Variants in TAFA2 observed in about 807,000 individuals in gnomAD.
TAFA2 encodes the protein chemokine-like protein TAFA-2.
In TAFA2, 7 loss-of-function variants were observed where a neutral mutation model predicts 18.8. The observed-to-expected ratio is 0.37, with a 90% CI of 0.21 to 0.70. The LOEUF is 0.70. Ranked by LOEUF, TAFA2 falls within the 30% of genes least tolerant of loss-of-function variation. The pLI is 0.53. For synonymous variants in TAFA2, 60 were observed against 54.2 expected (o/e 1.11, Z -0.47); for missense variants, 122 against 158.1 (o/e 0.77, Z 1.23).
rs934517839 is a variant in TAFA2 at position 62,155,435 on chromosome 12, GA to G, written c.-2+35823del. On this transcript the variant is annotated intron_variant, in intron 1 of 4. Transcript: ENST00000416284. Reference sequence around the variant, plus strand: ...AACACCATCATTCTTCACAGAATTGGAAAAAAAAATTCTAAAATTCATATAG... The same window carrying G: ...AACACCATCATTCTTCACAGAATTGGAAAAAAAATTCTAAAATTCATATAG... 7.9e-5 allele frequency among the ~76,000 whole-genome samples: 12 copies of G among 151,018 alleles called. No homozygotes were observed. In the East Asian group the frequency reaches 9.7e-4, roughly 12 times the overall value.
intron 1 of TAFA2, among the ~76,000 whole-genome samples, chr12:61,907,446 C>T (rs1876408453): frequency 1.3e-5 from 2 of 152,156 alleles, no homozygotes; most frequent in Admixed American, 1.3e-4. Flanking sequence ...CCTGTTGGTG[C>T]AGAGAAGTTA....
intron 2 of TAFA2, among the ~76,000 whole-genome samples, chr12:61,860,909 A>G (rs1874099188): frequency 6.6e-6 from 1 of 152,180 alleles, no homozygotes; most frequent in Non-Finnish European, 1.5e-5. Context: ...CCTTCAACAT[A>G]CTGTAAGTGC....
chr12:62,210,436 T>C (rs2062708774), intron 1 of TAFA2, among the ~76,000 whole-genome samples: 1 of 152,222 alleles, frequency 6.6e-6, no homozygotes, highest in Non-Finnish European at 1.5e-5. Flanking sequence ...TATAGGATTA[T>C]TTCCTTCATT....
At chr12:62,242,774 G>A (rs1371227355) in intron 1 of TAFA2, among the ~76,000 whole-genome samples, 1 of 152,178 alleles carries the variant, frequency 6.6e-6, no homozygotes, top group Non-Finnish European at 1.5e-5. Flanking sequence ...CTTTGGCTGG[G>A]CATAGTCTAT....
chr12:62,083,147 G>A (rs1329967814), intron 1 of TAFA2, among the ~76,000 whole-genome samples: 1 of 151,670 alleles, frequency 6.6e-6, no homozygotes, highest in African/African-American at 2.4e-5. Context: ...CCAGGCACCG[G>A]GGATTGAAAA....
chr12:61,920,447 C>T lies in TAFA2; in HGVS notation c.-1-53021G>A, dbSNP rs1048322609. Among the ~76,000 whole-genome samples, 7 of 152,292 alleles carry T rather than the reference C, an allele frequency of 4.6e-5. No homozygotes were observed. The East Asian group carries it at 7.7e-4, about 17-fold the overall frequency. On this transcript the variant is annotated intron_variant, in intron 1 of 4. Coordinates refer to ENST00000416284, the MANE Select transcript of TAFA2 (RefSeq NM_178539.5). ...GGCACCAAATGGATCAGCAAACAAA[C>T]CTTACTAAAATAAACCTTATCTTCC...
intron 1 of TAFA2, among the ~76,000 whole-genome samples, chr12:62,204,286 G>A (rs890936027): frequency 1.6e-4 from 25 of 152,026 alleles, no homozygotes; most frequent in East Asian, 5.8e-4. Context: ...CCTTCATTTC[G>A]ACCTTGGAGA....
At position 61,828,719 on chromosome 12, in the gene TAFA2, T is replaced by G. The variant is rs74095479; in HGVS notation, c.106+38601A>C. 3.3e-3 allele frequency among the ~76,000 whole-genome samples: 500 copies of G among 151,944 alleles called. 1 individual carries two copies. Among genetic ancestry groups the G allele is most frequent in the African/African-American group, 0.012 (492 of 41,542 alleles). ...CAAACTGTTATCTTGACCAATACATTTGTTATCAAGTTGCTTTTAATCAGA... is the reference window on the plus strand; with the variant it reads ...CAAACTGTTATCTTGACCAATACATGTGTTATCAAGTTGCTTTTAATCAGA... On this transcript the variant is annotated intron_variant, in intron 2 of 4. Transcript: ENST00000416284.
At chr12:61,741,940 A>C (rs1213954956) in intron 4 of TAFA2, among the ~76,000 whole-genome samples, 1 of 152,118 alleles carries the variant, frequency 6.6e-6, no homozygotes, top group East Asian at 1.9e-4. Context: ...TCTGTCACCC[A>C]GGTTGGAGTG....
At chr12:62,073,049 A>G (rs1592318959) in intron 1 of TAFA2, among the ~76,000 whole-genome samples, 1 of 152,252 alleles carries the variant, frequency 6.6e-6, no homozygotes, top group Non-Finnish European at 1.5e-5. Flanking sequence ...CACAGAGGAC[A>G]GAGCAAGAGC....
chr12:61,919,665 T>A (rs1876971596), intron 1 of TAFA2, among the ~76,000 whole-genome samples: 2 of 151,314 alleles, frequency 1.3e-5, no homozygotes, highest in Admixed American at 6.6e-5. Flanking sequence ...TATTTTATAT[T>A]TTATTATATA....
chr12:61,772,078 T>C (rs1870053283), intron 2 of TAFA2, among the ~76,000 whole-genome samples: 1 of 151,558 alleles, frequency 6.6e-6, no homozygotes, highest in Non-Finnish European at 1.5e-5. Flanking sequence ...ATACAAAAGA[T>C]CACTTAAGGA....
rs556439372 is a variant in TAFA2 at position 61,786,372 on chromosome 12, T to C, written c.107-31348A>G. The stretch of plus-strand genomic sequence containing the variant: ...TGTCCCAGAACAAAGTTTGACAACA[T>C]TTAAAATTCAAAAATACCAAGCAGT... On this transcript the variant is annotated intron_variant, in intron 2 of 4. Coordinates refer to ENST00000416284, the MANE Select transcript of TAFA2 (RefSeq NM_178539.5). Among the ~76,000 whole-genome samples the C allele has an allele frequency of 3.3e-5, 5 of 151,620 alleles. No homozygotes were observed. The East Asian group carries it at 7.8e-4, about 24-fold the overall frequency.
At chr12:62,235,026 C>A (rs1592413118) in intron 1 of TAFA2, 2 of 638,544 alleles carry the variant, frequency 3.1e-6, no homozygotes, top group East Asian at 7.3e-5. Context: ...TGTAGGGTCC[C>A]CAATATGAGA....
At chr12:61,780,311 A>C (rs1026347491) in intron 2 of TAFA2, among the ~76,000 whole-genome samples, 3 of 151,786 alleles carry the variant, frequency 2.0e-5, no homozygotes, top group African/African-American at 7.2e-5. Flanking sequence ...AGAAACCTTA[A>C]GGTTCTTTAG....
At chr12:61,891,935 T>G (rs1875654272) in intron 1 of TAFA2, among the ~76,000 whole-genome samples, 1 of 151,500 alleles carries the variant, frequency 6.6e-6, no homozygotes, top group Non-Finnish European at 1.5e-5. Flanking sequence ...ACCAGGCAAT[T>G]GAAATGATCT....
At chr12:62,106,882 C>A (rs1264244526) in intron 1 of TAFA2, among the ~76,000 whole-genome samples, 1 of 17,032 alleles carries the variant, frequency 5.9e-5, no homozygotes, top group Non-Finnish European at 4.5e-4. Flanking sequence ...AAAGGATCAC[C>A]GTACCTTTTT....
At chr12:61,906,455 G>C (rs1305641895) in intron 1 of TAFA2, among the ~76,000 whole-genome samples, 1 of 152,152 alleles carries the variant, frequency 6.6e-6, no homozygotes, top group Non-Finnish European at 1.5e-5. Flanking sequence ...TGCCATGATT[G>C]TGAGACCTCT....
chr12:61,841,110 G>T (rs981742723), intron 2 of TAFA2, among the ~76,000 whole-genome samples: 2 of 152,090 alleles, frequency 1.3e-5, no homozygotes, highest in Non-Finnish European at 2.9e-5. Flanking sequence ...ACAATGGTCT[G>T]CTTGTACCAG....
Sources: allele counts gnomAD v4.1 joint callset (sites outside exome capture counted in the v4.1 genomes callset), GRCh38; gene constraint gnomAD v4.1.1; transcripts MANE v1.5; gene names NCBI Gene and HGNC (gene_info 2026-07-23, HGNC 2026-07-21).